SLAIN2: variants seen among roughly 807,000 people sequenced by gnomAD.
SLAIN2 encodes SLAIN family member 2, also known as SLAIN motif-containing protein 2.
SLAIN2 carries 31 observed loss-of-function variants against 56.6 expected under a neutral mutation model. The observed-to-expected ratio is 0.55, with a 90% CI of 0.41 to 0.74. The LOEUF is 0.74. SLAIN2 is among the 30% of genes least tolerant of loss of function. The pLI is 0.00. For missense variants in SLAIN2, 777 were observed against 754.2 expected (o/e 1.03, Z -0.35); for synonymous variants, 317 against 284.9 (o/e 1.11, Z -1.13).
rs1431153122 is a variant in SLAIN2, at chr4:48,425,976, CTGTT to C, written c.*3901_*3904del. The C allele has an allele frequency of 2.0e-5, 3 of 152,116 alleles. No homozygotes were observed. Among genetic ancestry groups the C allele is most frequent in the African/African-American group, 7.2e-5 (3 of 41,442 alleles). The allele number at this position is 152,116 out of a possible 1,614,324, so 9.4% of individuals were successfully genotyped here. On this transcript the variant is annotated 3_prime_UTR_variant, in exon 8 of 8. Transcript: ENST00000264313. ...TTCTCTTTAAAAGAAATAAAAAAAT[CTGTT>C]TCTTCTGATTTCGAAAGTAATAGAA...
At chr4:48,380,231 C>T (rs1272343857) in intron 4 of SLAIN2, among the ~76,000 whole-genome samples, 1 of 151,984 alleles carries the variant, frequency 6.6e-6, no homozygotes. Flanking sequence ...CCCTAAGGAG[C>T]CTTGTTAAAA....
chr4:48,352,428 T>G (rs1432338937), intron 1 of SLAIN2, among the ~76,000 whole-genome samples: 3 of 152,232 alleles, frequency 2.0e-5, no homozygotes, highest in Non-Finnish European at 2.9e-5. Flanking sequence ...TTCAAGATTG[T>G]TTAGTTCCTC....
chr4:48,422,101 G>T lies in SLAIN2; in HGVS notation c.*24G>T. On this transcript the variant is annotated 3_prime_UTR_variant, in exon 8 of 8. Transcript: ENST00000264313. ...GACCAGCAAAGACAAGAATGCAGAA[G>T]TCCACGGCTTCATGGATACCCTTCA... 6.3e-7 allele frequency: 1 copy of T among 1,595,280 alleles called. No homozygotes were observed. The highest frequency in any genetic ancestry group is 8.6e-7 in the Non-Finnish European group (1 of 1,167,808).
chr4:48,407,689 T>C (rs1002364771), intron 6 of SLAIN2, among the ~76,000 whole-genome samples: 3 of 152,340 alleles, frequency 2.0e-5, no homozygotes, highest in Non-Finnish European at 2.9e-5. Flanking sequence ...GAGATTTCTT[T>C]CCTTTATTCC....
chr4:48,351,268 A>G (rs577123433), intron 1 of SLAIN2, among the ~76,000 whole-genome samples: 13 of 152,376 alleles, frequency 8.5e-5, no homozygotes, highest in African/African-American at 2.9e-4. Flanking sequence ...TTAGGTTTTT[A>G]GTATGCATTT....
chr4:48,349,818 T>C (rs1412900981), intron 1 of SLAIN2, among the ~76,000 whole-genome samples: 1 of 152,228 alleles, frequency 6.6e-6, no homozygotes, highest in East Asian at 1.9e-4. Flanking sequence ...CTTCAACAAA[T>C]ATGGTTTCAT....
intron 6 of SLAIN2, among the ~76,000 whole-genome samples, chr4:48,393,519 G>A (rs1019902790): frequency 7.2e-5 from 11 of 152,008 alleles, no homozygotes; most frequent in African/African-American, 2.4e-4. Flanking sequence ...TAAGTGCTGG[G>A]ATTATAGGCA....
intron 6 of SLAIN2, among the ~76,000 whole-genome samples, chr4:48,386,900 A>G (rs2109766243): frequency 6.6e-6 from 1 of 152,332 alleles, no homozygotes; most frequent in South Asian, 2.1e-4. Context: ...ATAGTAAATC[A>G]TTAAGAAGGT....
chr4:48,374,216 A>T (rs1443950521), intron 2 of SLAIN2, among the ~76,000 whole-genome samples: 2 of 152,124 alleles, frequency 1.3e-5, no homozygotes, highest in Non-Finnish European at 2.9e-5. Flanking sequence ...CTTATAGGCC[A>T]TGTTAAAGAT....
chr4:48,406,156 A>C (rs1279439572), intron 6 of SLAIN2, among the ~76,000 whole-genome samples: 2 of 152,160 alleles, frequency 1.3e-5, no homozygotes, highest in Non-Finnish European at 2.9e-5. Context: ...GCATTTCTCC[A>C]AAAAGTCCTG....
chr4:48,420,229 C>A lies in SLAIN2; in HGVS notation c.1465C>A (p.Gln489Lys), dbSNP rs1237907082. ...CCATGGCTCTGGTTCTCCTGGTAGC[C>A]AAGAAATAACACAGCTCACACAAAC... The part of the protein sequence containing the change: ...SNHGSGSPGS[Q>K]EITQLTQTTS... The change falls in exon 7 of 8, where the codon CAA becomes AAA. Residue 489 changes from glutamine to lysine, a missense_variant. Gln to Lys is a moderately conservative substitution (Grantham distance 53). Transcript: ENST00000264313. 6.2e-7 allele frequency: 1 copy of A among 1,613,786 alleles called. No individual in the cohort carries two copies. The highest frequency in any genetic ancestry group is 1.3e-5 in the African/African-American group (1 of 74,904).
intron 6 of SLAIN2, among the ~76,000 whole-genome samples, chr4:48,404,830 T>C (rs1422492786): frequency 6.6e-6 from 1 of 152,196 alleles, no homozygotes; most frequent in East Asian, 1.9e-4. Context: ...TCAACCTCAT[T>C]ATATTTTTAT....
At position 48,423,940 on chromosome 4, in the gene SLAIN2, T is replaced by C. The variant is rs548383846; in HGVS notation, c.*1863T>C. On this transcript the variant is annotated 3_prime_UTR_variant, in exon 8 of 8. Transcript: ENST00000264313. The stretch of plus-strand genomic sequence containing the variant: ...AAAGAAAGAAGTAGCTACTGTCTCT[T>C]TTAAAAACCACGTACAAAACAGAAC... 8 of 152,266 alleles carry C rather than the reference T, an allele frequency of 5.3e-5. No individual in the cohort carries two copies. The highest frequency in any genetic ancestry group is 7.4e-5 in the Non-Finnish European group (5 of 68,010). 9.4% of individuals were successfully genotyped at this position (152,266 alleles called of 1,614,324 possible).
At chr4:48,404,355 C>A (rs1470018648) in intron 6 of SLAIN2, among the ~76,000 whole-genome samples, 3 of 152,182 alleles carry the variant, frequency 2.0e-5, no homozygotes, top group Admixed American at 6.5e-5. Flanking sequence ...ATTGTCTTCT[C>A]TTTTCTATCA....
chr4:48,418,168 CTT>C (rs531197622), intron 6 of SLAIN2, among the ~76,000 whole-genome samples: 1 of 143,682 alleles, frequency 7.0e-6, no homozygotes, highest in Non-Finnish European at 1.5e-5. Context: ...CCCTCTTCTT[CTT>C]TTTTTTTTTT....
chr4:48,365,498 A>G (rs1273308269), intron 1 of SLAIN2, among the ~76,000 whole-genome samples: 5 of 145,708 alleles, frequency 3.4e-5, no homozygotes, highest in Non-Finnish European at 4.5e-5. Flanking sequence ...TCTGTTTTCT[A>G]TTTCACTGAT....
intron 6 of SLAIN2, among the ~76,000 whole-genome samples, chr4:48,392,343 T>G (rs1716255158): frequency 1.3e-5 from 2 of 152,170 alleles, no homozygotes; most frequent in South Asian, 4.1e-4. Flanking sequence ...CATGTGAAAC[T>G]TGAGGGATAA....
chr4:48,350,316 A>G (rs1024881813), intron 1 of SLAIN2, among the ~76,000 whole-genome samples: 6 of 152,208 alleles, frequency 3.9e-5, no homozygotes, highest in Non-Finnish European at 8.8e-5. Flanking sequence ...TGGTAGCCCA[A>G]AAAGGCTACT....
intron 1 of SLAIN2, among the ~76,000 whole-genome samples, chr4:48,369,026 C>T (rs1259008318): frequency 6.6e-6 from 1 of 152,196 alleles, no homozygotes; most frequent in African/African-American, 2.4e-5. Flanking sequence ...TGAAACCTTT[C>T]ACTAGATATA....
Sources: gnomAD v4.1 joint callset for allele counts (sites outside exome capture counted in the v4.1 genomes callset) on GRCh38, gnomAD v4.1.1 for gene constraint, MANE v1.5 for transcripts, NCBI Gene and HGNC (gene_info 2026-07-23, HGNC 2026-07-21) for gene names.